The following NRXN1 variants were observed in gnomAD, a reference collection of about 807,000 sequenced individuals.
NRXN1 encodes neurexin 1, also known as neurexin-1.
A neutral mutation model predicts 150.9 loss-of-function variants in NRXN1; 39 were observed. The observed-to-expected ratio is 0.26, with a 90% CI of 0.20 to 0.34. NRXN1 has a LOEUF of 0.34. Among genes scored for constraint, NRXN1 ranks in the 10% least tolerant of loss-of-function variants. NRXN1 has a pLI of 1.00. For missense variants in NRXN1, 1,815 were observed against 1,949.9 expected (o/e 0.93, Z 1.30); for synonymous variants, 924 against 757.0 (o/e 1.22, Z -3.62).
At chr2:50,810,017 T>C (rs1668006276) in intron 5 of NRXN1, among the ~76,000 whole-genome samples, 2 of 152,196 alleles carry the variant, frequency 1.3e-5, no homozygotes, top group Non-Finnish European at 2.9e-5. Context: ...TTCAATATAG[T>C]CACGTTCAAA....
chr2:50,651,517 G>GACATA (rs1311029032), intron 5 of NRXN1, among the ~76,000 whole-genome samples: 13 of 134,568 alleles, frequency 9.7e-5, no homozygotes, highest in East Asian at 2.1e-4. Context: ...GACATAACAT[G>GACATA]ACATAACATA....
At chr2:50,859,878 G>A (rs978211077) in intron 5 of NRXN1, among the ~76,000 whole-genome samples, 7 of 150,388 alleles carry the variant, frequency 4.7e-5, no homozygotes, top group Non-Finnish European at 8.9e-5. Flanking sequence ...AAAATACCCA[G>A]AATGTCACTT....
At chr2:50,542,238 G>A (rs965014072) in intron 9 of NRXN1, among the ~76,000 whole-genome samples, 22 of 152,080 alleles carry the variant, frequency 1.4e-4, no homozygotes, top group Admixed American at 5.9e-4. Flanking sequence ...CCGAGATCAC[G>A]CCATTGCACT....
At chr2:50,466,711 A>C (rs962572434) in intron 16 of NRXN1, among the ~76,000 whole-genome samples, 2 of 151,718 alleles carry the variant, frequency 1.3e-5, no homozygotes, top group Non-Finnish European at 2.9e-5. Flanking sequence ...GTACATATGT[A>C]TATATATAAT....
At chr2:50,819,484 T>C (rs1265934561) in intron 5 of NRXN1, among the ~76,000 whole-genome samples, 3 of 152,020 alleles carry the variant, frequency 2.0e-5, no homozygotes, top group African/African-American at 4.8e-5. Context: ...ATCAAGTTCA[T>C]ATAAGTAGAA....
chr2:50,826,811 G>T (rs1167578829), intron 5 of NRXN1, among the ~76,000 whole-genome samples: 1 of 152,158 alleles, frequency 6.6e-6, no homozygotes, highest in African/African-American at 2.4e-5. Flanking sequence ...CAAGCAGAGG[G>T]TTTTTTACAT....
intron 18 of NRXN1, among the ~76,000 whole-genome samples, chr2:50,159,446 TCTC>T (rs1288641489): frequency 6.6e-6 from 1 of 152,118 alleles, no homozygotes; most frequent in African/African-American, 2.4e-5. Flanking sequence ...CAAAACTAAA[TCTC>T]CTCTGAAAAT....
chr2:50,848,383 C>A (rs1050734954), intron 5 of NRXN1, among the ~76,000 whole-genome samples: 8 of 152,132 alleles, frequency 5.3e-5, no homozygotes, highest in African/African-American at 1.9e-4. Context: ...GAAAGTTATT[C>A]TCCAATGGGT....
intron 5 of NRXN1, among the ~76,000 whole-genome samples, chr2:50,844,903 G>C (rs1044579181): frequency 6.6e-6 from 1 of 151,992 alleles, no homozygotes; most frequent in Non-Finnish European, 1.5e-5. Context: ...GTTCAGGCTG[G>C]AGTGCAGTGG....
chr2:51,030,136 CA>C, intron 1 of NRXN1, among the ~76,000 whole-genome samples: 1 of 151,882 alleles, frequency 6.6e-6, no homozygotes, highest in Non-Finnish European at 1.5e-5. Context: ...ATTTTTTAAC[CA>C]AAAAATTACT....
intron 19 of NRXN1, among the ~76,000 whole-genome samples, chr2:50,089,118 G>A (rs772402748): frequency 6.6e-6 from 1 of 152,038 alleles, no homozygotes; most frequent in Non-Finnish European, 1.5e-5. Flanking sequence ...CAAACTAATG[G>A]GACTTTCCCT....
chr2:50,104,319 T>C (rs1404394249), intron 18 of NRXN1, among the ~76,000 whole-genome samples: 1 of 152,082 alleles, frequency 6.6e-6, no homozygotes, highest in Non-Finnish European at 1.5e-5. Flanking sequence ...TATACTGTTG[T>C]GATCTTGCAT....
intron 21 of NRXN1, among the ~76,000 whole-genome samples, chr2:50,001,236 A>G (rs1683866939): frequency 6.6e-6 from 1 of 152,136 alleles, no homozygotes; most frequent in Non-Finnish European, 1.5e-5. Flanking sequence ...TATCTCACAG[A>G]GAGGTTATAG....
chr2:50,391,443 T>G (rs1354606656), intron 17 of NRXN1, among the ~76,000 whole-genome samples: 2 of 152,120 alleles, frequency 1.3e-5, no homozygotes, highest in African/African-American at 4.8e-5. Flanking sequence ...AATAATCTTC[T>G]TGGGAAGAGA....
chr2:50,510,612 A>G (rs1445544681), intron 12 of NRXN1, among the ~76,000 whole-genome samples: 1 of 151,704 alleles, frequency 6.6e-6, no homozygotes, highest in East Asian at 1.9e-4. Flanking sequence ...ATTTGTTTGT[A>G]ATTTTACACT....
At chr2:50,915,401 T>C (rs1685074849) in intron 5 of NRXN1, among the ~76,000 whole-genome samples, 1 of 151,590 alleles carries the variant, frequency 6.6e-6, no homozygotes, top group African/African-American at 2.4e-5. Flanking sequence ...CTTCAACCAA[T>C]AAATTTGCAT....
intron 17 of NRXN1, among the ~76,000 whole-genome samples, chr2:50,354,389 G>C (rs2078635492): frequency 6.6e-6 from 1 of 151,564 alleles, no homozygotes; most frequent in Non-Finnish European, 1.5e-5. Context: ...TGTGGCCTTG[G>C]GCAGGTTATT....
chr2:50,957,854 C>T (rs550668675), intron 2 of NRXN1, among the ~76,000 whole-genome samples: 13 of 151,836 alleles, frequency 8.6e-5, no homozygotes, highest in African/African-American at 3.1e-4. Flanking sequence ...ATCATTCTGG[C>T]CCAGAAGTCT....
intron 5 of NRXN1, among the ~76,000 whole-genome samples, chr2:50,653,311 T>C (rs1437717107): frequency 1.3e-5 from 2 of 152,036 alleles, no homozygotes; most frequent in South Asian, 4.1e-4. Flanking sequence ...TTCATGCCCA[T>C]AGAAAAGGAA....
Sources: allele counts gnomAD v4.1 joint callset (sites outside exome capture counted in the v4.1 genomes callset), GRCh38; gene constraint gnomAD v4.1.1; transcripts MANE v1.5; gene names NCBI Gene and HGNC (gene_info 2026-07-23, HGNC 2026-07-21).